The following TANGO6 variants were observed in gnomAD, a reference collection of about 807,000 sequenced individuals.
The protein encoded by TANGO6 is transport and golgi organization 6 homolog.
TANGO6 carries 90 observed loss-of-function variants against 114.2 expected under a neutral mutation model. The ratio of observed to expected loss-of-function variants is 0.79; its 90% confidence interval spans 0.66 to 0.94. The LOEUF is 0.94. TANGO6 is among the 40% of genes least tolerant of loss of function. The probability of loss-of-function intolerance (pLI) is 0.00; values close to 1 mark genes in which losing one functional copy is unlikely to be tolerated. For synonymous variants in TANGO6, 477 were observed against 509.8 expected (o/e 0.94, Z 0.87); for missense variants, 1,274 against 1,315.3 (o/e 0.97, Z 0.49).
chr16:69,059,197 C>G (rs866054180), intron 17 of TANGO6, among the ~76,000 whole-genome samples: 28 of 151,784 alleles, frequency 1.8e-4, no homozygotes, highest in Admixed American at 9.9e-4. Flanking sequence ...ACCTCAGCCT[C>G]CCAATTATCT....
intron 9 of TANGO6, among the ~76,000 whole-genome samples, chr16:68,906,895 G>A (rs1234629871): frequency 6.6e-6 from 1 of 150,926 alleles, no homozygotes; most frequent in Non-Finnish European, 1.5e-5. Flanking sequence ...CTGGGTTCAA[G>A]CGATTCTCCT....
intron 17 of TANGO6, among the ~76,000 whole-genome samples, chr16:69,065,889 G>C (rs961241830): frequency 1.3e-5 from 2 of 152,128 alleles, no homozygotes; most frequent in African/African-American, 2.4e-5. Flanking sequence ...TTCTTCTTCA[G>C]TCCAGAGCTC....
chr16:69,021,164 T>C (rs1959399304), intron 15 of TANGO6, among the ~76,000 whole-genome samples: 1 of 152,262 alleles, frequency 6.6e-6, no homozygotes, highest in Non-Finnish European at 1.5e-5. Flanking sequence ...TTCAAGTCCT[T>C]GCAGTGTCCT....
intron 12 of TANGO6, among the ~76,000 whole-genome samples, chr16:68,919,560 T>C (rs996630879): frequency 2.0e-5 from 3 of 152,170 alleles, no homozygotes; most frequent in African/African-American, 7.2e-5. Context: ...TTGTTTCTGC[T>C]ACTGTTGTTG....
In TANGO6 at chr16:69,084,049, A is replaced by G. The variant is rs1460237998; in HGVS notation, c.*388A>G. 1 of 158,510 alleles carries G rather than the reference A, an allele frequency of 6.3e-6. No individual in the cohort carries two copies. The highest frequency in any genetic ancestry group is 1.8e-4 in the East Asian group (1 of 5,580). The allele number at this position is 158,510 out of a possible 1,614,324, so 9.8% of individuals were successfully genotyped here. A position where few individuals can be genotyped will look rare whatever the true frequency, so the allele number is the denominator to read the frequency against. On this transcript the variant is annotated 3_prime_UTR_variant, in exon 18 of 18. Transcript: ENST00000261778. ...GGCCACCCATATGTCACCTAGCTCT[A>G]TATTCTTTCAGGCTGAGATTCTTCT...
chr16:69,026,871 T>C (rs1251643924), intron 16 of TANGO6, among the ~76,000 whole-genome samples: 3 of 152,144 alleles, frequency 2.0e-5, no homozygotes, highest in African/African-American at 7.2e-5. Context: ...CCTTCTTTTT[T>C]TTATTTTTTG....
At chr16:68,882,462 A>T (rs182960686) in intron 7 of TANGO6, among the ~76,000 whole-genome samples, 1 of 151,766 alleles carries the variant, frequency 6.6e-6, no homozygotes, top group Non-Finnish European at 1.5e-5. Flanking sequence ...GCACCACTGC[A>T]CTCCAGCCTG....
chr16:68,859,841 G>A, intron 1 of TANGO6, 43 bp from the exon 2 acceptor site: 9 of 1,511,618 alleles, frequency 6.0e-6, no homozygotes, highest in Non-Finnish European at 7.1e-6. Flanking sequence ...AGTGCAGCTT[G>A]TTTTCTATGT....
chr16:68,966,372 T>C (rs959300559), intron 14 of TANGO6, among the ~76,000 whole-genome samples: 2 of 151,944 alleles, frequency 1.3e-5, no homozygotes, highest in Non-Finnish European at 2.9e-5. Context: ...AGTGTGGTGG[T>C]GCGTGCCTAT....
At chr16:68,962,815 C>T (rs1963606505) in intron 14 of TANGO6, among the ~76,000 whole-genome samples, 1 of 151,698 alleles carries the variant, frequency 6.6e-6, no homozygotes, top group South Asian at 2.1e-4. Context: ...GGCGCGGTGG[C>T]TCATGCCTGT....
chr16:68,902,301 C>A, intron 8 of TANGO6, 27 bp from the exon 9 acceptor site: 1 of 1,591,004 alleles, frequency 6.3e-7, no homozygotes, highest in South Asian at 1.2e-5. Context: ...AGATGACAAG[C>A]TCATTCATAA....
At chr16:68,943,412 G>A (rs955530974) in intron 14 of TANGO6, among the ~76,000 whole-genome samples, 7 of 148,172 alleles carry the variant, frequency 4.7e-5, no homozygotes, top group African/African-American at 1.7e-4. Context: ...CACCCAGGCT[G>A]GAGTGCAGTG....
chr16:68,870,800 TTC>T (rs1324152751), intron 4 of TANGO6, among the ~76,000 whole-genome samples: 1 of 144,720 alleles, frequency 6.9e-6, no homozygotes, highest in Non-Finnish European at 1.5e-5. Flanking sequence ...GGCAATGAAT[TTC>T]TTTTTTTTTT....
At chr16:68,882,003 T>C (rs967704128) in intron 7 of TANGO6, among the ~76,000 whole-genome samples, 1 of 151,960 alleles carries the variant, frequency 6.6e-6, no homozygotes, top group African/African-American at 2.4e-5. Flanking sequence ...AAATAATAAA[T>C]ACAATTTATT....
intron 2 of TANGO6, among the ~76,000 whole-genome samples, chr16:68,861,227 A>G (rs1394943835): frequency 1.3e-5 from 2 of 152,176 alleles, no homozygotes; most frequent in South Asian, 4.1e-4. Flanking sequence ...TGGCATCAGC[A>G]TAGGCACTGG....
At chr16:68,991,195 G>C (rs889734470) in intron 15 of TANGO6, among the ~76,000 whole-genome samples, 2 of 152,218 alleles carry the variant, frequency 1.3e-5, no homozygotes, top group African/African-American at 4.8e-5. Flanking sequence ...ACAGCTCTGA[G>C]AGCTGAGCAG....
intron 17 of TANGO6, among the ~76,000 whole-genome samples, chr16:69,074,639 TC>T (rs1234124890): frequency 2.0e-5 from 3 of 152,102 alleles, no homozygotes; most frequent in African/African-American, 7.2e-5. Flanking sequence ...ATCTGGACAC[TC>T]CTAAGTCTGA....
At chr16:68,986,088 G>A (rs1963887169) in intron 15 of TANGO6, among the ~76,000 whole-genome samples, 1 of 152,180 alleles carries the variant, frequency 6.6e-6, no homozygotes. Context: ...TCATCATGAC[G>A]TACAAAGAAC....
chr16:69,063,808 C>CTTCTTCTTCTTCTTA lies in TANGO6; in HGVS notation c.3109-19675_3109-19674insCTTCTTCTTCTTATT, dbSNP rs56983779. On this transcript the variant is annotated intron_variant, in intron 17 of 17. Coordinates refer to ENST00000261778, the MANE Select transcript of TANGO6 (RefSeq NM_024562.2). Reference sequence around the variant, plus strand: ...TCTTCTTCTTCTTCTTCTTCTTCTTCTTATTATTATTATTATTATTATTAT... The same window carrying CTTCTTCTTCTTCTTA: ...TCTTCTTCTTCTTCTTCTTCTTCTTCTTCTTCTTCTTCTTATTATTATTATTATTATTATTATTAT... 5.7e-3 allele frequency among the ~76,000 whole-genome samples: 717 copies of CTTCTTCTTCTTCTTA among 125,528 alleles called. 4 individuals are homozygous for CTTCTTCTTCTTCTTA. Among genetic ancestry groups the CTTCTTCTTCTTCTTA allele is most frequent in the African/African-American group, 0.019 (593 of 30,602 alleles). The allele number at this position is 125,528 out of a possible 152,430, so 82.4% of individuals were successfully genotyped here.
Sources: gnomAD v4.1 joint callset for allele counts (sites outside exome capture counted in the v4.1 genomes callset) on GRCh38, gnomAD v4.1.1 for gene constraint, MANE v1.5 for transcripts, NCBI Gene and HGNC (gene_info 2026-07-23, HGNC 2026-07-21) for gene names.